The following LPIN1 variants were observed in gnomAD, a reference collection of about 807,000 sequenced individuals.
LPIN1 encodes phosphatidate phosphatase LPIN1.
In LPIN1, 71 loss-of-function variants were observed where a neutral mutation model predicts 107.5. That is an observed-to-expected ratio of 0.66 (90% CI 0.55 to 0.80). The LOEUF (loss-of-function observed/expected upper bound fraction) is 0.80, where lower values mean the gene tolerates loss of function less well. Among genes scored for constraint, LPIN1 ranks in the 30% least tolerant of loss-of-function variants. LPIN1 has a pLI of 0.00. For synonymous variants in LPIN1, 445 were observed against 452.6 expected (o/e 0.98, Z 0.21); for missense variants, 1,043 against 1,160.6 (o/e 0.90, Z 1.47).
At chr2:11,731,069 T>A (rs13397702) in intron 1 of LPIN1, among the ~76,000 whole-genome samples, 7,421 of 152,244 alleles carry the variant, frequency 0.049, 632 homozygotes, top group African/African-American at 0.17. Context: ...AAACACAATT[T>A]AAAAAAATTA....
intron 1 of LPIN1, chr2:11,682,951 CT>C (rs1482892094): frequency 1.3e-5 from 2 of 152,176 alleles, no homozygotes; most frequent in Non-Finnish European, 2.9e-5. Context: ...GCCAAAGCAC[CT>C]TAGTGTGTAG....
chr2:11,768,833 G>A (rs1327282554), intron 3 of LPIN1, among the ~76,000 whole-genome samples: 2 of 152,170 alleles, frequency 1.3e-5, no homozygotes, highest in African/African-American at 2.4e-5. Flanking sequence ...CTACTCCGGA[G>A]ACTGAGGCAG....
At chr2:11,682,685 T>C (rs1455641668) in intron 1 of LPIN1, 1 of 152,140 alleles carries the variant, frequency 6.6e-6, no homozygotes, top group Admixed American at 6.5e-5. Flanking sequence ...TGTCCCAGTA[T>C]GTATTTATCT....
chr2:11,712,130 C>T (rs980085050), intron 1 of LPIN1, among the ~76,000 whole-genome samples: 6 of 152,238 alleles, frequency 3.9e-5, no homozygotes, highest in Admixed American at 6.5e-5. Context: ...CTCCTTGCCC[C>T]CTGATCCCCC....
chr2:11,748,746 T>G (rs985536822), intron 1 of LPIN1, among the ~76,000 whole-genome samples: 3 of 152,192 alleles, frequency 2.0e-5, no homozygotes, highest in Admixed American at 6.5e-5. Context: ...AAAAGGTACC[T>G]AAATGAGGTT....
upstream of LPIN1, among the ~76,000 whole-genome samples, chr2:11,743,881 G>A (rs1012000118): frequency 1.3e-5 from 2 of 152,170 alleles, no homozygotes; most frequent in Non-Finnish European, 2.9e-5. The surrounding 1 kb of genome is among the most constrained non-coding windows in gnomAD (Gnocchi z 4.7). Context: ...CAACTTCAGA[G>A]TTCTCGGGAT....
intron 1 of LPIN1, chr2:11,741,246 TG>T: frequency 2.6e-6 from 2 of 756,958 alleles, no homozygotes; most frequent in Non-Finnish European, 2.1e-6. Context: ...CCTAAGTTGC[TG>T]GGTTAACCTC....
At chr2:11,752,352 A>C (rs554045526) in intron 1 of LPIN1, among the ~76,000 whole-genome samples, 3 of 151,558 alleles carry the variant, frequency 2.0e-5, no homozygotes, top group African/African-American at 7.3e-5. Flanking sequence ...ATGGGGTTGA[A>C]TATCTCTCTC....
At chr2:11,716,365 G>A (rs1663740869) in intron 2 of LPIN1, among the ~76,000 whole-genome samples, 1 of 152,012 alleles carries the variant, frequency 6.6e-6, no homozygotes, top group Non-Finnish European at 1.5e-5. Context: ...GGCAATAGGG[G>A]CGAAAGTAAG....
At chr2:11,677,974 T>A (rs926415095) in intron 1 of LPIN1, among the ~76,000 whole-genome samples, 5 of 152,266 alleles carry the variant, frequency 3.3e-5, no homozygotes, top group African/African-American at 9.6e-5. Context: ...AAAGGCTTTT[T>A]TCTTTGCCTT....
intron 4 of LPIN1, 96 bp from the exon 5 acceptor site, chr2:11,773,524 A>G: frequency 9.4e-7 from 1 of 1,060,284 alleles, no homozygotes; most frequent in Non-Finnish European, 1.4e-6. Context: ...CATGTTAATT[A>G]CAAAGCACTT....
intron 1 of LPIN1, among the ~76,000 whole-genome samples, chr2:11,730,955 C>A (rs1053911265): frequency 8.5e-5 from 13 of 152,304 alleles, no homozygotes; most frequent in Admixed American, 3.3e-4. Context: ...GGCAGAAATT[C>A]TCTGCTGTGC....
At chr2:11,740,739 A>G (rs1303592603) in intron 1 of LPIN1, among the ~76,000 whole-genome samples, 1 of 151,610 alleles carries the variant, frequency 6.6e-6, no homozygotes, top group African/African-American at 2.4e-5. Context: ...AGAAAGAAAG[A>G]AAGAAAGAAA....
At chr2:11,791,632 A>T (rs1675742177) in intron 12 of LPIN1, 2 of 1,273,250 alleles carry the variant, frequency 1.6e-6, no homozygotes, top group Non-Finnish European at 2.0e-6. Flanking sequence ...ATGATTTCTA[A>T]TGCTTTCTTT....
chr2:11,775,860 A>G (rs1203260068), intron 5 of LPIN1, among the ~76,000 whole-genome samples: 4 of 147,870 alleles, frequency 2.7e-5, no homozygotes. Flanking sequence ...AAGTATATAT[A>G]CTTTGTAATT....
At chr2:11,700,487 C>T (rs546730632) in intron 1 of LPIN1, among the ~76,000 whole-genome samples, 8 of 152,012 alleles carry the variant, frequency 5.3e-5, no homozygotes, top group Non-Finnish European at 8.8e-5. Context: ...CTCTCTCTCT[C>T]GCTCTCATTC....
intron 8 of LPIN1, among the ~76,000 whole-genome samples, 158 bp from the exon 9 acceptor site, chr2:11,783,671 C>A (rs1452293039): frequency 1.3e-5 from 2 of 152,198 alleles, no homozygotes; most frequent in Non-Finnish European, 2.9e-5. Flanking sequence ...TTTTACCAGA[C>A]AAAATAGAAC....
At position 11,767,124 on chromosome 2, in the gene LPIN1, G is replaced by A. The variant is rs530311840; in HGVS notation, c.193-639G>A. ...TTAGAAGACAATCTGCCACACAAAT[G>A]GAAAGAAACAAATCCTTGCAAATAG... On this transcript the variant is annotated intron_variant, in intron 2 of 20. Coordinates refer to ENST00000674199, the MANE Select transcript of LPIN1 (RefSeq NM_001349206.2). 3.7e-4 allele frequency among the ~76,000 whole-genome samples: 57 copies of A among 152,326 alleles called. 1 individual carries two copies. The highest frequency in any genetic ancestry group is 1.2e-3 in the African/African-American group (51 of 41,570).
chr2:11,763,709 G>T (rs926476051), intron 1 of LPIN1, among the ~76,000 whole-genome samples: 1 of 151,908 alleles, frequency 6.6e-6, no homozygotes, highest in African/African-American at 2.4e-5. Flanking sequence ...GCACGGTTTC[G>T]CACTCTCCAT....
Sources: gnomAD v4.1 joint callset for allele counts (sites outside exome capture counted in the v4.1 genomes callset) on GRCh38, gnomAD v4.1.1 for gene constraint, Gnocchi (gnomAD v3.1) non-coding constraint, MANE v1.5 for transcripts, NCBI Gene and HGNC (gene_info 2026-07-23, HGNC 2026-07-21) for gene names.